The following LRP5 variants were observed in gnomAD, a reference collection of about 807,000 sequenced individuals.
LRP5 encodes low-density lipoprotein receptor-related protein 5.
A neutral mutation model predicts 154.1 loss-of-function variants in LRP5; 62 were observed. The observed-to-expected ratio is 0.40, with a 90% CI of 0.33 to 0.50. The LOEUF (loss-of-function observed/expected upper bound fraction) is 0.50, where lower values mean the gene tolerates loss of function less well. LRP5 is among the 20% of genes least tolerant of loss of function. The pLI is 0.55. For missense variants in LRP5, 1,915 were observed against 2,336.7 expected (o/e 0.82, Z 3.72); for synonymous variants, 966 against 1,011.5 (o/e 0.96, Z 0.85).
Position 68,406,517 on chromosome 11 carries a change from CT to C in LRP5, c.1802-5del. The stretch of plus-strand genomic sequence containing the variant: ...GTTTAGACTGGAGCCTCTGTGTTCG[CT>C]TCCAGGAACCAACCCGTGTGCGGAC... On this transcript the variant is annotated splice_region_variant and splice_polypyrimidine_tract_variant and intron_variant, in intron 8 of 22. Coordinates refer to ENST00000294304, the MANE Select transcript of LRP5 (RefSeq NM_002335.4). 6.2e-7 allele frequency: 1 copy of C among 1,614,110 alleles called. No individual in the cohort carries two copies. Among genetic ancestry groups the C allele is most frequent in the Non-Finnish European group, 8.5e-7 (1 of 1,180,022 alleles).
Position 68,413,315 on chromosome 11 carries a change from G to C in LRP5, c.2504-374G>C, listed in dbSNP as rs185532863. The C allele has an allele frequency of 2.5e-6, 1 of 393,050 alleles. No individual in the cohort carries two copies. The highest frequency in any genetic ancestry group is 4.8e-6 in the Non-Finnish European group (1 of 209,612). The allele number at this position is 393,050 out of a possible 1,614,324, so 24.3% of individuals were successfully genotyped here. A position where few individuals can be genotyped will look rare whatever the true frequency, so the allele number is the denominator to read the frequency against. ...GCCGTCACTCCTCGGTACGTGTTTT[G>C]GACTTAAACGCTCCGGATGTTTACT... On this transcript the variant is annotated intron_variant, in intron 11 of 22. Transcript: ENST00000294304. This position sits in a 1 kb window ranked among gnomAD's most constrained non-coding sequence, Gnocchi z 5.1.
At chr11:68,435,878 A>G (rs1367167374) in intron 18 of LRP5, among the ~76,000 whole-genome samples, 1 of 151,986 alleles carries the variant, frequency 6.6e-6, no homozygotes, top group Non-Finnish European at 1.5e-5. Context: ...GGCACACACC[A>G]CCACACCCGG....
At chr11:68,401,855 G>A (rs1317764141) in intron 7 of LRP5, among the ~76,000 whole-genome samples, 8 of 150,942 alleles carry the variant, frequency 5.3e-5, no homozygotes, top group East Asian at 1.9e-4. Flanking sequence ...TGCCCAGCTC[G>A]TTTTTTTTTG....
chr11:68,438,623 C>T lies in LRP5; in HGVS notation c.4289C>T (p.Thr1430Ile). The change falls in exon 20 of 23, where the codon ACC (threonine) becomes ATC (isoleucine). Residue 1430 changes from threonine (T) to isoleucine (I), a missense_variant. This residue lies in a region of LRP5 where 1,094 missense variants were observed against 1,210.1 expected (regional missense o/e 0.90). Coordinates refer to ENST00000294304, the MANE Select transcript of LRP5 (RefSeq NM_002335.4). Reference sequence around the variant, plus strand: ...TTCCCGCACGAGTATGTCAGCGGGACCCCGCACGTGCCCCTCAATTTCATA... The same window carrying T: ...TTCCCGCACGAGTATGTCAGCGGGATCCCGCACGTGCCCCTCAATTTCATA... The part of the protein sequence containing the change: ...GPFPHEYVSG[T>I]PHVPLNFIAP... 1.9e-6 allele frequency: 3 copies of T among 1,613,692 alleles called. No homozygotes were observed. The highest frequency in any genetic ancestry group is 2.5e-6 in the Non-Finnish European group (3 of 1,179,954).
At chr11:68,357,869 G>C in intron 3 of LRP5, 22 bp downstream of exon 3, 2 of 1,597,214 alleles carry the variant, frequency 1.3e-6, no homozygotes, top group Non-Finnish European at 1.7e-6. Flanking sequence ...CGCAGTCCTG[G>C]GGCACCCCTT....
At position 68,446,456 on chromosome 11, in the gene LRP5, C is replaced by T; in HGVS notation, c.4509C>T (p.Ser1503=). ...LYPPILNPPP[S]PATDPSLYNM... is the part of the protein sequence containing the mutation. ...CTCAGATCCTGAACCCGCCGCCCTC[C>T]CCGGCCACGGACCCCTCCCTGTACA... is the stretch of plus-strand genomic sequence containing the variant. The change falls in exon 22 of 23, where the codon TCC becomes TCT. Residue 1503 remains serine (S), a synonymous_variant. Transcript: ENST00000294304. 1 of 1,613,938 alleles carries T rather than the reference C, an allele frequency of 6.2e-7. No homozygotes were observed. The highest frequency in any genetic ancestry group is 8.5e-7 in the Non-Finnish European group (1 of 1,179,840).
rs1199437281 is a variant in LRP5, at chr11:68,413,955, C to T, written c.2770C>T (p.His924Tyr). Residue 924 changes from histidine (H) to tyrosine (Y), a missense_variant, in exon 12 of 23, where the codon CAC (histidine) becomes TAC (tyrosine). Physicochemically the swap from His to Tyr is moderately conservative, Grantham distance 83. This residue lies in a region of LRP5 where 1,094 missense variants were observed against 1,210.1 expected (regional missense o/e 0.90). Transcript: ENST00000294304. This position sits in a 1 kb window ranked among gnomAD's most constrained non-coding sequence, Gnocchi z 5.1. ...GCTGTGCCTTGCCATCCCCGGCGGC[C>T]ACCGCTGCGGCTGCGCCTCACACTA... ...GQLCLAIPGG[H>Y]RCGCASHYTL... 6.2e-7 allele frequency: 1 copy of T among 1,608,722 alleles called. No homozygotes were observed. Among genetic ancestry groups the T allele is most frequent in the South Asian group, 1.1e-5 (1 of 91,076 alleles).
At position 68,363,751 on chromosome 11, in the gene LRP5, A is replaced by G; in HGVS notation, c.691A>G (p.Lys231Glu). 6.2e-7 allele frequency: 1 copy of G among 1,611,912 alleles called. No homozygotes were observed. The highest frequency in any genetic ancestry group is 1.3e-5 in the African/African-American group (1 of 74,732). Residue 231 changes from lysine (K) to glutamate (E), a missense_variant, in exon 4 of 23, where the codon AAG (lysine) becomes GAG (glutamate). This residue lies in a region of LRP5 where 773 missense variants were observed against 1,100.9 expected (regional missense o/e 0.70). Transcript: ENST00000294304. ...ACCCCGCTTCCCTGACTGCAGGCAG[A>G]AGGTGGTGGAGGGCAGCCTGACGCA... ...RANLDGSFRQ[K>E]VVEGSLTHPF...
intron 1 of LRP5, among the ~76,000 whole-genome samples, chr11:68,341,463 C>T (rs970114934): frequency 6.6e-6 from 1 of 152,128 alleles, no homozygotes; most frequent in African/African-American, 2.4e-5. Context: ...TCAAATTACG[C>T]TGCCCAGAGG....
chr11:68,350,442 G>A (rs1224464106), intron 2 of LRP5, among the ~76,000 whole-genome samples: 1 of 152,356 alleles, frequency 6.6e-6, no homozygotes, highest in Admixed American at 6.5e-5. Context: ...GGCTCTGGAA[G>A]CCCTTCCCTT....
intron 3 of LRP5, among the ~76,000 whole-genome samples, chr11:68,359,750 G>A (rs1438352149): frequency 2.0e-5 from 3 of 150,736 alleles, no homozygotes; most frequent in African/African-American, 7.3e-5. Context: ...CACAATCATG[G>A]TTCACTGCAG....
intron 7 of LRP5, among the ~76,000 whole-genome samples, chr11:68,397,028 C>G (rs1470461493): frequency 1.3e-5 from 2 of 152,192 alleles, no homozygotes; most frequent in Non-Finnish European, 2.9e-5. Context: ...TGGCTTTGCC[C>G]CAGGACACCT....
chr11:68,299,910 G>A, the LRP5 span, among the ~76,000 whole-genome samples: 8 of 148,690 alleles, frequency 5.4e-5, no homozygotes, highest in East Asian at 1.6e-3. Flanking sequence ...TTGTTTGTTT[G>A]TTTTTTGAGA....
intron 7 of LRP5, among the ~76,000 whole-genome samples, chr11:68,394,900 GGA>G (rs2098648411): frequency 1.3e-5 from 2 of 152,204 alleles, no homozygotes; most frequent in South Asian, 4.1e-4. Flanking sequence ...GTAGAAGGGC[GGA>G]GAGAGGGAAC....
chr11:68,417,426 A>G (rs1006122624), intron 13 of LRP5, among the ~76,000 whole-genome samples: 1 of 131,394 alleles, frequency 7.6e-6, no homozygotes, highest in South Asian at 2.5e-4. Context: ...GTCCTAATAC[A>G]TCATTGCATT....
chr11:68,384,994 T>C (rs2098642221), intron 5 of LRP5, among the ~76,000 whole-genome samples: 1 of 152,220 alleles, frequency 6.6e-6, no homozygotes, highest in Non-Finnish European at 1.5e-5. Context: ...TAAGCTTCTC[T>C]TGTGCCGGTT....
intron 16 of LRP5, 144 bp from the exon 17 acceptor site, chr11:68,429,431 A>G (rs1006962962): frequency 6.6e-6 from 6 of 907,838 alleles, no homozygotes; most frequent in Non-Finnish European, 1.1e-5. Context: ...GCCAAGAGGA[A>G]TAAGTGGGAG....
In LRP5 at chr11:68,439,881, A is replaced by G; in HGVS notation, c.4453A>G (p.Ser1485Gly). The G allele has an allele frequency of 6.3e-7, 1 of 1,576,480 alleles. No individual in the cohort carries two copies. The highest frequency in any genetic ancestry group is 8.6e-7 in the Non-Finnish European group (1 of 1,164,108). The change falls in exon 21 of 23, where the codon AGC becomes GGC. Residue 1485 changes from serine to glycine, a missense_variant. Physicochemically the swap from Ser to Gly is moderately conservative, Grantham distance 56 (BLOSUM62 0). Coordinates refer to ENST00000294304, the MANE Select transcript of LRP5 (RefSeq NM_002335.4). ...RNHVTGASSS[S>G]SSSTKATLYP... ...CCACGTCACAGGGGCCTCGTCCAGCAGCTCGTCCAGCACGAAGGCCACGCT... is the reference window on the plus strand; with the variant it reads ...CCACGTCACAGGGGCCTCGTCCAGCGGCTCGTCCAGCACGAAGGCCACGCT...
chr11:68,324,065 G>A (rs1161887689), intron 1 of LRP5, among the ~76,000 whole-genome samples: 2 of 152,264 alleles, frequency 1.3e-5, no homozygotes, highest in East Asian at 1.9e-4. Context: ...GCAGGGCCCC[G>A]TGGGCTTGTG....
Sources: allele counts gnomAD v4.1 joint callset (sites outside exome capture counted in the v4.1 genomes callset), GRCh38; gene constraint gnomAD v4.1.1; regional missense constraint gnomAD v4.1.1; non-coding constraint Gnocchi (gnomAD v3.1); transcripts MANE v1.5; gene names NCBI Gene and HGNC (gene_info 2026-07-23, HGNC 2026-07-21).